Variants in DMD observed in about 807,000 individuals in gnomAD.
The protein encoded by DMD is mutant dystrophin.
Under a neutral mutation model 330.1 loss-of-function variants are expected in DMD, and 63 were observed. That is an observed-to-expected ratio of 0.19 (90% CI 0.16 to 0.24). The LOEUF (loss-of-function observed/expected upper bound fraction) is 0.24. Among genes scored for constraint, DMD ranks in the 10% least tolerant of loss-of-function variants. DMD has a pLI of 1.00. For missense variants in DMD, 3,344 were observed against 2,684.1 expected (o/e 1.25, Z -5.43); for synonymous variants, 1,223 against 959.8 (o/e 1.27, Z -5.07).
intron 63 of DMD, among the ~76,000 whole-genome samples, chrX:31,236,062 C>T (rs2047688759): frequency 8.9e-6 from 1 of 112,110 alleles, no homozygotes; most frequent in Non-Finnish European, 1.9e-5. Context: ...AAAGGATTTC[C>T]CTTCCCAAAT....
intron 9 of DMD, among the ~76,000 whole-genome samples, chrX:32,687,857 T>G (rs377681316): frequency 9.0e-6 from 1 of 111,453 alleles, no homozygotes; most frequent in South Asian, 3.8e-4. Context: ...ACAGGTGAGC[T>G]AAGCATTACA....
intron 60 of DMD, among the ~76,000 whole-genome samples, chrX:31,366,683 C>G (rs1317659079): frequency 9.3e-6 from 1 of 107,814 alleles, no homozygotes; most frequent in Non-Finnish European, 1.9e-5. Context: ...AAATTAAGTT[C>G]ACTACACACT....
At chrX:32,530,291 G>C (rs2047359038) in intron 17 of DMD, among the ~76,000 whole-genome samples, 2 of 112,251 alleles carry the variant, frequency 1.8e-5, no homozygotes, top group South Asian at 3.7e-4. Context: ...AAATGTCTGA[G>C]TTATTTGGTA....
chrX:31,458,073 C>T (rs764523886), intron 59 of DMD, among the ~76,000 whole-genome samples: 3 of 111,409 alleles, frequency 2.7e-5, no homozygotes, highest in South Asian at 7.5e-4. Flanking sequence ...TAAAGTCAAA[C>T]GAAAGGAACA....
chrX:31,942,958 G>C (rs2095026211), intron 45 of DMD, among the ~76,000 whole-genome samples: 1 of 112,096 alleles, frequency 8.9e-6, no homozygotes, highest in Non-Finnish European at 1.9e-5. Context: ...GGCAGGTTCT[G>C]TATAAAATTA....
intron 2 of DMD, among the ~76,000 whole-genome samples, chrX:32,995,726 C>T (rs1236960382): frequency 2.7e-5 from 3 of 111,814 alleles, no homozygotes; most frequent in Non-Finnish European, 5.6e-5. Flanking sequence ...CTTCATAAAT[C>T]ATCTAACACT....
In DMD at chrX:32,699,187, T is replaced by C; in HGVS notation, c.756A>G (p.Glu252=). The C allele has an allele frequency of 2.5e-6, 3 of 1,210,253 alleles. No homozygotes were observed. The highest frequency in any genetic ancestry group is 3.4e-6 in the Non-Finnish European group (3 of 894,215). The change falls in exon 8 of 79, where the codon GAA becomes GAG. Residue 252 remains glutamate, a synonymous_variant. Transcript: ENST00000357033. Reference sequence around the variant, plus strand: ...TCACTTTAGGTGGCCTTGGCAACATTTCCACTTCCTGGATGGCTTCAATGC... The same window carrying C: ...TCACTTTAGGTGGCCTTGGCAACATCTCCACTTCCTGGATGGCTTCAATGC... ...QVSIEAIQEV[E]MLPRPPKVTK...
chrX:32,935,040 G>A (rs749039519), intron 2 of DMD, among the ~76,000 whole-genome samples: 84 of 113,032 alleles, frequency 7.4e-4, no homozygotes, highest in African/African-American at 2.6e-3. Flanking sequence ...GCGCAGTGGC[G>A]CGATCTCGGC....
intron 1 of DMD, among the ~76,000 whole-genome samples, chrX:33,272,407 T>C (rs766037436): frequency 8.9e-6 from 1 of 111,980 alleles, no homozygotes; most frequent in Admixed American, 9.5e-5. Context: ...GTGACTGATA[T>C]GAATTCAAGG....
chrX:31,412,186 CAAAA>C (rs764012481), intron 60 of DMD, among the ~76,000 whole-genome samples: 1 of 43,781 alleles, frequency 2.3e-5, no homozygotes, highest in Non-Finnish European at 4.1e-5. Flanking sequence ...ACTCTTGTCT[CAAAA>C]AAAAAAAAAA....
chrX:32,112,264 G>T (rs149301154), intron 44 of DMD, among the ~76,000 whole-genome samples: 257 of 111,873 alleles, frequency 2.3e-3, no homozygotes, highest in African/African-American at 7.8e-3. Context: ...TAAAAATACA[G>T]GCTGCTCATC....
chrX:32,727,875 C>G, intron 7 of DMD, among the ~76,000 whole-genome samples: 1 of 111,350 alleles, frequency 9.0e-6, no homozygotes, highest in Non-Finnish European at 1.9e-5. Flanking sequence ...TCTGATCACT[C>G]TGATCATACT....
At chrX:32,363,108 G>A (rs2097843056) in intron 36 of DMD, 150 bp from the exon 37 acceptor site, 1 of 554,901 alleles carries the variant, frequency 1.8e-6, no homozygotes, top group Non-Finnish European at 2.9e-6. Context: ...GCAAGCACAT[G>A]CAGAAAATAC....
intron 50 of DMD, among the ~76,000 whole-genome samples, chrX:31,785,486 G>C (rs2091249448): frequency 9.0e-6 from 1 of 111,693 alleles, no homozygotes; most frequent in Non-Finnish European, 1.9e-5. Context: ...TTAAGTTCTG[G>C]GATACATGTG....
intron 44 of DMD, among the ~76,000 whole-genome samples, chrX:32,001,129 C>T (rs536305965): frequency 2.2e-4 from 25 of 111,220 alleles, no homozygotes; most frequent in Admixed American, 1.7e-3. Flanking sequence ...CTGACTGCAA[C>T]GGGAGTACAA....
chrX:31,261,227 T>A, intron 62 of DMD: 1 of 403,515 alleles, frequency 2.5e-6, no homozygotes, highest in Non-Finnish European at 4.3e-6. Context: ...AGAAAAGCAA[T>A]ATAAACATTA....
At chrX:33,039,266 G>A (rs1252650584) in intron 1 of DMD, among the ~76,000 whole-genome samples, 1 of 111,041 alleles carries the variant, frequency 9.0e-6, no homozygotes, top group Non-Finnish European at 1.9e-5. Context: ...AAGTCAGTTC[G>A]AACTCCCTGG....
At chrX:32,282,165 C>A (rs923624002) in intron 43 of DMD, among the ~76,000 whole-genome samples, 2 of 111,604 alleles carry the variant, frequency 1.8e-5, no homozygotes, top group African/African-American at 6.5e-5. Flanking sequence ...AAGTGGGAAA[C>A]ACTCACTAAT....
rs753616707 is a variant in DMD at position 32,725,630 on chromosome X, T to A, written c.650-26337A>T. 6.3e-5 allele frequency among the ~76,000 whole-genome samples: 7 copies of A among 110,991 alleles called. No individual in the cohort carries two copies. The East Asian group carries it at 2.0e-3, about 31-fold the overall frequency. On this transcript the variant is annotated intron_variant, in intron 7 of 78. Transcript: ENST00000357033. ...GGCACCCAACACTGGAGCACCCAGA[T>A]AAATAAAGCAAATATTATTAGAGCT...
Sources: gnomAD v4.1 joint callset for allele counts (sites outside exome capture counted in the v4.1 genomes callset) on GRCh38, gnomAD v4.1.1 for gene constraint, MANE v1.5 for transcripts, NCBI Gene and HGNC (gene_info 2026-07-23, HGNC 2026-07-21) for gene names.